The following FRMD4A variants were observed in gnomAD, a reference collection of about 807,000 sequenced individuals.
The protein encoded by FRMD4A is FERM domain-containing protein 4A.
FRMD4A carries 29 observed loss-of-function variants against 129.1 expected under a neutral mutation model. The ratio of observed to expected loss-of-function variants is 0.22; its 90% CI spans 0.17 to 0.31. FRMD4A has a LOEUF of 0.31. FRMD4A is among the 10% of genes least tolerant of loss of function. The probability of loss-of-function intolerance (pLI) is 1.00; values close to 1 mark genes in which losing one functional copy is unlikely to be tolerated. For missense variants in FRMD4A, 1,272 were observed against 1,375.8 expected, an observed-to-expected ratio of 0.92 and a Z score of 1.19; for synonymous variants, 634 against 571.6, an observed-to-expected ratio of 1.11 and a Z score of -1.56.
chr10:14,111,507 C>A (rs1318076089), intron 2 of FRMD4A, among the ~76,000 whole-genome samples: 1 of 152,132 alleles, frequency 6.6e-6, no homozygotes, highest in Non-Finnish European at 1.5e-5. Flanking sequence ...CTCTACCCTG[C>A]AGGGATAGCT....
chr10:13,660,844 C>T (rs1182822003), intron 19 of FRMD4A, among the ~76,000 whole-genome samples: 2 of 152,200 alleles, frequency 1.3e-5, no homozygotes, highest in Non-Finnish European at 2.9e-5. Context: ...TTAAATACCA[C>T]CAACAAATGA....
intron 16 of FRMD4A, among the ~76,000 whole-genome samples, chr10:13,670,910 G>A (rs866512036): frequency 7.2e-5 from 11 of 152,146 alleles, no homozygotes; most frequent in Admixed American, 2.0e-4. Flanking sequence ...CAGTGTCAGC[G>A]TGAGTTCTCG....
chr10:13,783,547 AT>A (rs57973701), intron 5 of FRMD4A, among the ~76,000 whole-genome samples: 43,470 of 145,706 alleles, frequency 0.3, 7,065 homozygotes, highest in East Asian at 0.52. Context: ...ACCACGCCTA[AT>A]TTTTTTTTTT....
At chr10:13,808,402 C>G (rs1017478129) in intron 4 of FRMD4A, among the ~76,000 whole-genome samples, 1 of 152,198 alleles carries the variant, frequency 6.6e-6, no homozygotes, top group Non-Finnish European at 1.5e-5. Context: ...TCCCGTGATA[C>G]AGAGCAAGGC....
At chr10:14,126,472 C>G (rs1270931511) in intron 2 of FRMD4A, among the ~76,000 whole-genome samples, 1 of 152,048 alleles carries the variant, frequency 6.6e-6, no homozygotes, top group Admixed American at 6.6e-5. Context: ...CCCGGCCTGC[C>G]TTGCCCACTT....
chr10:13,784,931 C>T (rs550746426), intron 5 of FRMD4A, among the ~76,000 whole-genome samples: 3 of 146,278 alleles, frequency 2.1e-5, no homozygotes, highest in South Asian at 4.3e-4. Flanking sequence ...GGGGAGGTTG[C>T]AGCGAGCCGA....
At chr10:14,273,780 G>A (rs554116265) in intron 2 of FRMD4A, among the ~76,000 whole-genome samples, 1 of 152,186 alleles carries the variant, frequency 6.6e-6, no homozygotes, top group South Asian at 2.1e-4. Flanking sequence ...GGAGGACTTT[G>A]GGTCCTTTGA....
intron 24 of FRMD4A, among the ~76,000 whole-genome samples, chr10:13,650,055 G>A (rs1054379789): frequency 2.6e-5 from 4 of 152,332 alleles, no homozygotes; most frequent in African/African-American, 9.6e-5. Flanking sequence ...CCAGGGCTAT[G>A]CTCAGAGATG....
chr10:14,292,734 A>G (rs1007746333), intron 2 of FRMD4A, among the ~76,000 whole-genome samples: 1 of 152,150 alleles, frequency 6.6e-6, no homozygotes, highest in Non-Finnish European at 1.5e-5. Flanking sequence ...CGGGAGGTGG[A>G]GCTTGCAGTG....
chr10:14,130,445 A>C (rs1175873519), intron 2 of FRMD4A, among the ~76,000 whole-genome samples: 1 of 152,100 alleles, frequency 6.6e-6, no homozygotes, highest in Non-Finnish European at 1.5e-5. Context: ...TTTTTTATGT[A>C]GAGATGAAGT....
At chr10:13,950,636 C>T (rs1229146260) in intron 2 of FRMD4A, among the ~76,000 whole-genome samples, 1 of 152,192 alleles carries the variant, frequency 6.6e-6, no homozygotes, top group East Asian at 1.9e-4. Context: ...TCCACCCTCC[C>T]CTTTACTCAC....
intron 2 of FRMD4A, among the ~76,000 whole-genome samples, chr10:14,065,583 C>A (rs1835018751): frequency 6.6e-6 from 1 of 152,064 alleles, no homozygotes; most frequent in African/African-American, 2.4e-5. Flanking sequence ...TATCTAAGAC[C>A]CAGAAATCAC....
At chr10:14,144,850 C>A (rs183153167) in intron 2 of FRMD4A, among the ~76,000 whole-genome samples, 1 of 152,058 alleles carries the variant, frequency 6.6e-6, no homozygotes, top group Non-Finnish European at 1.5e-5. Flanking sequence ...AGGGTGAAAC[C>A]GCAGAGAAGG....
At chr10:13,991,661 G>A (rs2095603861) in intron 2 of FRMD4A, among the ~76,000 whole-genome samples, 1 of 152,186 alleles carries the variant, frequency 6.6e-6, no homozygotes, top group Non-Finnish European at 1.5e-5. Flanking sequence ...CACCTGTTGG[G>A]ACAATGCGTT....
chr10:13,920,262 A>T lies in FRMD4A; in HGVS notation c.46-61350T>A, dbSNP rs190044946. Among the ~76,000 whole-genome samples the T allele has an allele frequency of 1.1e-3, 166 of 152,272 alleles. 1 individual carries two copies. Among genetic ancestry groups the T allele is most frequent in the Non-Finnish European group, 2.0e-3 (134 of 68,002 alleles). On this transcript the variant is annotated intron_variant, in intron 2 of 24. Transcript: ENST00000357447. ...GGCATGTAGGCATTTTTTTTGGCAGAAGCAGAACTTTGGAGCTACTGACTC... is the reference window on the plus strand; with the variant it reads ...GGCATGTAGGCATTTTTTTTGGCAGTAGCAGAACTTTGGAGCTACTGACTC...
intron 8 of FRMD4A, among the ~76,000 whole-genome samples, chr10:13,759,945 C>A (rs1239284361): frequency 6.6e-6 from 1 of 151,918 alleles, no homozygotes; most frequent in East Asian, 1.9e-4. Flanking sequence ...GAGTCAGCAA[C>A]TACAACCCCC....
chr10:14,302,410 T>G (rs1360482872), intron 2 of FRMD4A, among the ~76,000 whole-genome samples: 3 of 152,212 alleles, frequency 2.0e-5, no homozygotes, highest in African/African-American at 7.2e-5. Context: ...TTAAAGGAAC[T>G]TTGTTCAAAA....
chr10:13,881,181 G>A (rs924206530), intron 2 of FRMD4A, among the ~76,000 whole-genome samples: 1 of 151,744 alleles, frequency 6.6e-6, no homozygotes, highest in Admixed American at 6.6e-5. Flanking sequence ...GCTTTGAGAG[G>A]CTGAAGTGGG....
intron 3 of FRMD4A, among the ~76,000 whole-genome samples, chr10:13,848,712 CT>C: frequency 6.6e-6 from 1 of 152,174 alleles, no homozygotes; most frequent in Non-Finnish European, 1.5e-5. Flanking sequence ...CTCTCACAGC[CT>C]CTTGGGGAGA....
Sources: allele counts gnomAD v4.1 joint callset (sites outside exome capture counted in the v4.1 genomes callset), GRCh38; gene constraint gnomAD v4.1.1; transcripts MANE v1.5; gene names NCBI Gene and HGNC (gene_info 2026-07-23, HGNC 2026-07-21).